The following RAD51B variants were observed in gnomAD, a reference collection of about 807,000 sequenced individuals.
RAD51B encodes the protein DNA repair protein RAD51 homolog 2.
Under a neutral mutation model 42.2 loss-of-function variants are expected in RAD51B, and 38 were observed. The ratio of observed to expected loss-of-function variants is 0.90; its 90% CI spans 0.70 to 1.18. The LOEUF (loss-of-function observed/expected upper bound fraction) is 1.18, where lower values mean the gene tolerates loss of function less well. Among genes scored for constraint, RAD51B ranks in the 50% most tolerant of loss-of-function variants. The probability of loss-of-function intolerance (pLI) is 0.00; values close to 1 mark genes in which losing one functional copy is unlikely to be tolerated. For synonymous variants in RAD51B, 154 were observed against 145.2 expected (o/e 1.06, Z -0.43); for missense variants, 373 against 400.7 (o/e 0.93, Z 0.59).
intron 7 of RAD51B, among the ~76,000 whole-genome samples, chr14:67,941,732 C>T (rs1158098390): frequency 6.6e-6 from 1 of 152,186 alleles, no homozygotes; most frequent in African/African-American, 2.4e-5. Flanking sequence ...GTACCTCCTC[C>T]TTTTGGCTAG....
intron 10 of RAD51B, among the ~76,000 whole-genome samples, chr14:68,621,140 A>C (rs1466503646): frequency 4.6e-5 from 7 of 152,130 alleles, no homozygotes; most frequent in Non-Finnish European, 1.0e-4. Context: ...CAATCCTGGG[A>C]ATACCACGCT....
intron 8 of RAD51B, among the ~76,000 whole-genome samples, chr14:68,314,330 G>A (rs972583344): frequency 2.6e-5 from 4 of 151,982 alleles, no homozygotes; most frequent in African/African-American, 4.8e-5. Flanking sequence ...CTGCCCGAAT[G>A]TCTCTCAGTG....
chr14:68,509,024 C>A (rs1414553478), intron 10 of RAD51B, among the ~76,000 whole-genome samples: 1 of 152,190 alleles, frequency 6.6e-6, no homozygotes, highest in Admixed American at 6.5e-5. Context: ...TGCCTGAAGG[C>A]AAGAGCTGTC....
intron 7 of RAD51B, among the ~76,000 whole-genome samples, chr14:68,259,150 G>A (rs1439052666): frequency 2.0e-5 from 3 of 152,178 alleles, no homozygotes; most frequent in African/African-American, 7.2e-5. Context: ...CCAGCCTCCA[G>A]TGCCAGCTTC....
At chr14:67,903,183 A>G (rs1033683550) in intron 7 of RAD51B, among the ~76,000 whole-genome samples, 1 of 152,100 alleles carries the variant, frequency 6.6e-6, no homozygotes, top group Non-Finnish European at 1.5e-5. Flanking sequence ...CTCTGAGTTT[A>G]GTTGGTTTGT....
intron 10 of RAD51B, among the ~76,000 whole-genome samples, chr14:68,643,921 G>A (rs781717886): frequency 1.7e-4 from 26 of 152,168 alleles, no homozygotes; most frequent in Admixed American, 7.2e-4. Flanking sequence ...ACTGGAACTA[G>A]TAAGCTATCA....
chr14:67,927,703 ATGTGTGTG>A (rs35189653), intron 7 of RAD51B, among the ~76,000 whole-genome samples: 6 of 137,344 alleles, frequency 4.4e-5, no homozygotes, highest in Non-Finnish European at 6.4e-5. Flanking sequence ...ATTTCATTGT[ATGTGTGTG>A]TGTGTGTGTG....
At chr14:68,262,420 G>A (rs538814895) in intron 7 of RAD51B, among the ~76,000 whole-genome samples, 2 of 152,274 alleles carry the variant, frequency 1.3e-5, no homozygotes, top group East Asian at 1.9e-4. Context: ...CCAAGGCAGA[G>A]TTTGTTTAAT....
chr14:68,348,912 TAAAC>T (rs1230785863), intron 8 of RAD51B, among the ~76,000 whole-genome samples: 1 of 152,194 alleles, frequency 6.6e-6, no homozygotes, highest in African/African-American at 2.4e-5. Flanking sequence ...AGATCTGGGA[TAAAC>T]AAACCTTTTC....
At chr14:68,279,285 G>T (rs1203634743) in intron 7 of RAD51B, among the ~76,000 whole-genome samples, 2 of 152,230 alleles carry the variant, frequency 1.3e-5, no homozygotes, top group Non-Finnish European at 1.5e-5. Flanking sequence ...AAGCATGTGG[G>T]CATCTGTTCT....
At chr14:68,554,471 C>A (rs1888729637) in intron 10 of RAD51B, among the ~76,000 whole-genome samples, 1 of 152,142 alleles carries the variant, frequency 6.6e-6, no homozygotes, top group Non-Finnish European at 1.5e-5. Context: ...GACTCCTCTC[C>A]CCCACATGCC....
intron 8 of RAD51B, among the ~76,000 whole-genome samples, chr14:68,345,486 C>A (rs2082659113): frequency 1.3e-5 from 2 of 151,804 alleles, no homozygotes; most frequent in South Asian, 4.2e-4. Context: ...TGTGGCACCT[C>A]CCCCCACTCT....
chr14:68,651,789 T>C lies in RAD51B; in HGVS notation c.*11+933T>C, dbSNP rs1350686664. Among the ~76,000 whole-genome samples the C allele has an allele frequency of 3.9e-5, 6 of 152,194 alleles. No homozygotes were observed. In the East Asian group the frequency reaches 1.2e-3, roughly 29 times the overall value. On this transcript the variant is annotated intron_variant, in intron 11 of 11. Transcript: ENST00000488612. The stretch of plus-strand genomic sequence containing the variant: ...TCCAGCTGGAGAGAGGCCTCGGCAA[T>C]GTATACAAATTCCTAGAATTTGCAG...
intron 7 of RAD51B, among the ~76,000 whole-genome samples, chr14:68,067,907 G>A (rs1057023947): frequency 7.6e-5 from 9 of 118,774 alleles, no homozygotes; most frequent in Non-Finnish European, 1.4e-4. Context: ...ACTGCAGTCT[G>A]TCTGACAGAG....
chr14:67,961,886 A>G (rs994379850), intron 7 of RAD51B, among the ~76,000 whole-genome samples: 7 of 152,206 alleles, frequency 4.6e-5, no homozygotes, highest in Non-Finnish European at 8.8e-5. Context: ...ACAGCAGAAA[A>G]CTATAACATT....
At chr14:68,670,271 G>A (rs890112055) in intron 11 of RAD51B, among the ~76,000 whole-genome samples, 1 of 152,204 alleles carries the variant, frequency 6.6e-6, no homozygotes, top group South Asian at 2.1e-4. Flanking sequence ...AATCAGCATG[G>A]GGCTCCGGGG....
At chr14:68,204,336 A>G (rs2079545271) in intron 7 of RAD51B, among the ~76,000 whole-genome samples, 1 of 152,228 alleles carries the variant, frequency 6.6e-6, no homozygotes, top group Non-Finnish European at 1.5e-5. Context: ...TAGCTGGCCA[A>G]TGGAGCAGTC....
chr14:68,212,528 A>T lies in RAD51B; in HGVS notation c.757-79356A>T, dbSNP rs1332479971. Among the ~76,000 whole-genome samples, 3 of 152,116 alleles carry T rather than the reference A, an allele frequency of 2.0e-5. No homozygotes were observed. The East Asian group carries it at 5.8e-4, about 29-fold the overall frequency. ...TTTGGACTGGTTTAGAACCCTCCTAACTCACTACTGGGGACTTTCCATTGG... is the reference window on the plus strand; with the variant it reads ...TTTGGACTGGTTTAGAACCCTCCTATCTCACTACTGGGGACTTTCCATTGG... On this transcript the variant is annotated intron_variant, in intron 7 of 10. Coordinates refer to ENST00000471583, the MANE Select transcript of RAD51B (RefSeq NM_133510.4).
At chr14:68,181,966 A>G (rs1290385200) in intron 7 of RAD51B, among the ~76,000 whole-genome samples, 5 of 152,194 alleles carry the variant, frequency 3.3e-5, no homozygotes, top group Admixed American at 3.3e-4. Context: ...ATTTAGATCC[A>G]TTGCCACCTA....
Sources: gnomAD v4.1 joint callset for allele counts (sites outside exome capture counted in the v4.1 genomes callset) on GRCh38, gnomAD v4.1.1 for gene constraint, MANE v1.5 for transcripts, NCBI Gene and HGNC (gene_info 2026-07-23, HGNC 2026-07-21) for gene names.